SVEP1: variants seen among roughly 807,000 people sequenced by gnomAD.
SVEP1 encodes the protein sushi, von Willebrand factor type A, EGF and pentraxin domain containing 1.
SVEP1 carries 164 observed loss-of-function variants against 367.3 expected under a neutral mutation model. The ratio of observed to expected loss-of-function variants is 0.45; its 90% CI spans 0.39 to 0.51. The LOEUF is 0.51. SVEP1 is among the 20% of genes least tolerant of loss of function. The pLI, the probability that SVEP1 is intolerant of heterozygous loss-of-function variation, is 0.00. For synonymous variants in SVEP1, 1,666 were observed against 1,611.6 expected (o/e 1.03, Z -0.81); for missense variants, 4,117 against 4,425.3 (o/e 0.93, Z 1.98).
chr9:110,440,201 A>C (rs1247461547), intron 27 of SVEP1, among the ~76,000 whole-genome samples: 1 of 152,206 alleles, frequency 6.6e-6, no homozygotes, highest in Non-Finnish European at 1.5e-5. Context: ...AAACAGGCTC[A>C]TTACAGCCCA....
intron 13 of SVEP1, among the ~76,000 whole-genome samples, chr9:110,476,701 T>TG (rs1422349131): frequency 1.2e-4 from 19 of 152,264 alleles, no homozygotes; most frequent in African/African-American, 4.6e-4. Flanking sequence ...TCAGCAAATC[T>TG]GTTATTTTCT....
At chr9:110,534,412 T>A (rs1445904019) in intron 3 of SVEP1, among the ~76,000 whole-genome samples, 2 of 152,218 alleles carry the variant, frequency 1.3e-5, no homozygotes, top group East Asian at 3.8e-4. Flanking sequence ...CCACATTTTC[T>A]TTATCCAATG....
intron 3 of SVEP1, among the ~76,000 whole-genome samples, chr9:110,516,450 A>C (rs1829805393): frequency 6.6e-6 from 1 of 151,950 alleles, no homozygotes; most frequent in African/African-American, 2.4e-5. Context: ...ATGATATAAG[A>C]CATGATAAAT....
chr9:110,430,781 C>T (rs1828339142), intron 32 of SVEP1, among the ~76,000 whole-genome samples: 1 of 152,170 alleles, frequency 6.6e-6, no homozygotes, highest in South Asian at 2.1e-4. Flanking sequence ...TCTGTTCCCT[C>T]TTCATACCCA....
At chr9:110,475,336 C>T (rs1829082632) in intron 14 of SVEP1, among the ~76,000 whole-genome samples, 1 of 152,080 alleles carries the variant, frequency 6.6e-6, no homozygotes. Flanking sequence ...TCATTTGATG[C>T]TTAAAATGGT....
At chr9:110,540,762 G>C (rs1465734896) in intron 3 of SVEP1, among the ~76,000 whole-genome samples, 1 of 152,094 alleles carries the variant, frequency 6.6e-6, no homozygotes, top group African/African-American at 2.4e-5. Flanking sequence ...CTCTAACAAA[G>C]ACTGGTATTC....
chr9:110,423,463 G>A (rs1371989718), intron 36 of SVEP1, among the ~76,000 whole-genome samples: 3 of 152,098 alleles, frequency 2.0e-5, no homozygotes, highest in Non-Finnish European at 2.9e-5. Context: ...AAAGCTGTAA[G>A]ATAAAAGGGA....
chr9:110,368,878 AT>A (rs149782474), intron 47 of SVEP1, among the ~76,000 whole-genome samples: 1 of 152,112 alleles, frequency 6.6e-6, no homozygotes, highest in Non-Finnish European at 1.5e-5. Context: ...CATTAGACAG[AT>A]TTTTTTGTTG....
intron 27 of SVEP1, chr9:110,443,000 T>C (rs1432158001): frequency 1.3e-5 from 2 of 152,252 alleles, no homozygotes; most frequent in African/African-American, 4.8e-5. Context: ...TAATGTCATA[T>C]GCATATACTT....
chr9:110,483,158 A>AT (rs1829221533), intron 10 of SVEP1, among the ~76,000 whole-genome samples: 1 of 152,166 alleles, frequency 6.6e-6, no homozygotes, highest in Non-Finnish European at 1.5e-5. Context: ...ATAAACTTCA[A>AT]TTGTATTTGC....
chr9:110,443,215 A>C (rs1029530080), intron 27 of SVEP1: 25 of 201,082 alleles, frequency 1.2e-4, no homozygotes, highest in Non-Finnish European at 2.1e-4. Context: ...TACTGATTAC[A>C]AAACAAAACA....
At position 110,427,613 on chromosome 9, in the gene SVEP1, C is replaced by T. The variant is rs373901354; in HGVS notation, c.5953G>A (p.Val1985Ile). ...CACCCTTCTTTGCAAGTGTAAGTGA[C>T]GGTGTTCCTGAAAGTGAAGTTATTC... ...TGNNFTFRNT[V>I]TYTCKEGYTL... Residue 1985 changes from valine to isoleucine, a missense_variant, in exon 36 of 48, where the codon GTC (valine) becomes ATC (isoleucine). Val to Ile is a conservative substitution (Grantham distance 29, BLOSUM62 3). This residue lies in a region of SVEP1 where 2,174 missense variants were observed against 2,494.3 expected (regional missense o/e 0.87). Transcript: ENST00000374469. 3.0e-5 allele frequency: 49 copies of T among 1,613,472 alleles called. No homozygotes were observed. In the East Asian group the frequency reaches 6.2e-4, roughly 21 times the overall value.
chr9:110,409,075 A>T, intron 37 of SVEP1, 124 bp from the exon 38 acceptor site: 1 of 1,080,622 alleles, frequency 9.3e-7, no homozygotes, highest in East Asian at 2.5e-5. Flanking sequence ...GGAAGTAAGC[A>T]AATAATGATT....
chr9:110,550,234 C>T, intron 1 of SVEP1, 130 bp from the exon 2 acceptor site: 4 of 1,189,846 alleles, frequency 3.4e-6, no homozygotes, highest in Non-Finnish European at 4.8e-6. Context: ...AAGCCCTAGT[C>T]AGAGTAAAAC....
chr9:110,516,339 T>G (rs1829803801), intron 3 of SVEP1, among the ~76,000 whole-genome samples: 1 of 151,770 alleles, frequency 6.6e-6, no homozygotes. Context: ...TGACTTTGTT[T>G]AAAAACAAAA....
In SVEP1 at chr9:110,458,976, A is replaced by G. The variant is rs1828817166; in HGVS notation, c.3460T>C (p.Ser1154Pro). 6.2e-7 allele frequency: 1 copy of G among 1,613,508 alleles called. No individual in the cohort carries two copies. Among genetic ancestry groups the G allele is most frequent in the Non-Finnish European group, 8.5e-7 (1 of 1,179,632 alleles). ...CTTGAACATTCTGTGATGGATCTGG[A>G]ACCAGCGAATGGGGTAGTTCCATAA... ...PFYGTTPFAGSRSITECSSFS... is the reference protein window; with the variant it reads ...PFYGTTPFAGPRSITECSSFS... The change falls in exon 19 of 48, where the codon TCC (serine) becomes CCC (proline). Residue 1154 changes from serine to proline, a missense_variant. Ser to Pro is a moderately conservative substitution (Grantham distance 74, BLOSUM62 -1). This residue lies in a region of SVEP1 where 2,174 missense variants were observed against 2,494.3 expected (regional missense o/e 0.87). Transcript: ENST00000374469.
intron 13 of SVEP1, among the ~76,000 whole-genome samples, chr9:110,478,943 G>A (rs895113463): frequency 4.0e-5 from 6 of 150,530 alleles, no homozygotes; most frequent in East Asian, 1.9e-4. Flanking sequence ...TTTTTTAGAC[G>A]GAGTCTTTCT....
chr9:110,406,895 G>A lies in SVEP1; in HGVS notation c.8705C>T (p.Thr2902Met), dbSNP rs199967982. Residue 2902 changes from threonine to methionine, a missense_variant, in exon 38 of 48, where the codon ACG becomes ATG. By Grantham distance (81) the Thr-to-Met change is moderately conservative. This residue lies in a region of SVEP1 where 1,765 missense variants were observed against 1,781.1 expected (regional missense o/e 0.99). Transcript: ENST00000374469. ...CATGAAGCCATAGTCCAGGCCTTCC[G>A]TCACCCCATTGGCCAGTTGTGGCGG... ...ATPPQLANGV[T>M]EGLDYGFMKE... 1,152 of 1,613,898 alleles carry A rather than the reference G, an allele frequency of 7.1e-4. No homozygotes were observed. The highest frequency in any genetic ancestry group is 1.4e-3 in the South Asian group (124 of 91,078).
At chr9:110,502,551 T>C (rs950606452) in intron 6 of SVEP1, among the ~76,000 whole-genome samples, 1 of 152,224 alleles carries the variant, frequency 6.6e-6, no homozygotes, top group African/African-American at 2.4e-5. Context: ...GTTATATCCT[T>C]CTTTCAATTT....
Sources: allele counts gnomAD v4.1 joint callset (sites outside exome capture counted in the v4.1 genomes callset), GRCh38; gene constraint gnomAD v4.1.1; regional missense constraint gnomAD v4.1.1; transcripts MANE v1.5; gene names NCBI Gene and HGNC (gene_info 2026-07-23, HGNC 2026-07-21).